DACH1: variants seen among roughly 807,000 people sequenced by gnomAD.
DACH1 encodes the protein dachshund homolog 1.
In DACH1, 12 loss-of-function variants were observed where a neutral mutation model predicts 54.2. That is an observed-to-expected ratio of 0.22 (90% CI 0.14 to 0.36). The LOEUF is 0.36. Ranked by LOEUF, DACH1 falls within the 10% of genes least tolerant of loss-of-function variation. DACH1 has a pLI of 1.00. For synonymous variants in DACH1, 386 were observed against 366.2 expected, an observed-to-expected ratio of 1.05 and a Z score of -0.62; for missense variants, 805 against 929.8, an observed-to-expected ratio of 0.87 and a Z score of 1.75.
At chr13:71,665,772 G>T (rs1879791428) in intron 2 of DACH1, among the ~76,000 whole-genome samples, 1 of 151,990 alleles carries the variant, frequency 6.6e-6, no homozygotes, top group South Asian at 2.1e-4. Flanking sequence ...GTTACCTAAA[G>T]AGATTAATGG....
chr13:71,462,470 A>AT (rs1464064659), intron 10 of DACH1, among the ~76,000 whole-genome samples: 3 of 151,770 alleles, frequency 2.0e-5, no homozygotes, highest in Admixed American at 1.3e-4. Flanking sequence ...TATTTATTTC[A>AT]TTTTCCAGCT....
At chr13:71,594,805 A>G (rs1028601070) in intron 3 of DACH1, among the ~76,000 whole-genome samples, 1 of 152,130 alleles carries the variant, frequency 6.6e-6, no homozygotes, top group African/African-American at 2.4e-5. Context: ...GCCTCAAAAC[A>G]TATGTCTCTT....
intron 6 of DACH1, among the ~76,000 whole-genome samples, chr13:71,511,025 C>T (rs1880734747): frequency 1.3e-5 from 2 of 152,016 alleles, no homozygotes; most frequent in South Asian, 2.1e-4. Context: ...AAATTCATTA[C>T]TATGTTTTTG....
chr13:71,675,425 T>G lies in DACH1; in HGVS notation c.964+6370A>C. 4.1e-6 allele frequency: 6 copies of G among 1,452,340 alleles called. No homozygotes were observed. The South Asian group carries it at 5.8e-5, about 14-fold the overall frequency. 90.0% of individuals were successfully genotyped at this position (1,452,340 alleles called of 1,614,324 possible). On this transcript the variant is annotated intron_variant, in intron 2 of 10. Coordinates refer to ENST00000613252, the MANE Select transcript of DACH1 (RefSeq NM_080759.6). ...ATCCATGCCAAACGTGTAACAATTA[T>G]GCCAAAAGACATCCAGCTAGCACGC...
intron 1 of DACH1, among the ~76,000 whole-genome samples, chr13:71,805,900 C>G (rs186313111): frequency 8.5e-4 from 129 of 152,136 alleles, no homozygotes; most frequent in African/African-American, 3.0e-3. Flanking sequence ...TTCTACCTCC[C>G]GGGTTCAAAC....
intron 7 of DACH1, 61 bp downstream of exon 7, chr13:71,488,936 A>G (rs909161669): frequency 6.5e-7 from 1 of 1,539,418 alleles, no homozygotes; most frequent in Non-Finnish European, 8.8e-7. Flanking sequence ...AAATTTTGGA[A>G]AAAAAAAATC....
rs1314847938 is a variant in DACH1, at chr13:71,866,498, T to C, written c.272A>G (p.Asn91Ser). Residue 91 changes from asparagine to serine, a missense_variant, in exon 1 of 11, where the codon AAC (asparagine) becomes AGC (serine). By Grantham distance (46) the Asn-to-Ser change is conservative. Transcript: ENST00000613252. ...GSGGGGGSSG[N>S]GGGGGGGGGG... is the part of the protein sequence containing the mutation. The stretch of plus-strand genomic sequence containing the variant: ...GCCGCCGCCGCCACCGCCGCCTCCG[T>C]TGCCGCTGCTGCCGCCGCCGCCTCC... 37 of 1,221,100 alleles carry C rather than the reference T, an allele frequency of 3.0e-5. No homozygotes were observed. The highest frequency in any genetic ancestry group is 3.7e-5 in the Non-Finnish European group (36 of 981,300). The allele number at this position is 1,221,100 out of a possible 1,614,324, so 75.6% of individuals were successfully genotyped here.
chr13:71,494,069 T>C (rs1480796824), intron 6 of DACH1, among the ~76,000 whole-genome samples: 1 of 152,140 alleles, frequency 6.6e-6, no homozygotes, highest in Non-Finnish European at 1.5e-5. Flanking sequence ...AAAAAGTGCA[T>C]CTTCCTAGGA....
chr13:71,443,050 T>C (rs1338797382), intron 10 of DACH1, among the ~76,000 whole-genome samples: 1 of 148,354 alleles, frequency 6.7e-6, no homozygotes, highest in Non-Finnish European at 1.5e-5. Context: ...TTGAATTATA[T>C]ATATAATTAT....
chr13:71,563,648 A>T (rs1324327267), intron 4 of DACH1, among the ~76,000 whole-genome samples: 4 of 151,858 alleles, frequency 2.6e-5, no homozygotes, highest in African/African-American at 9.7e-5. Flanking sequence ...TTAAAAAGGC[A>T]TATTATACTA....
intron 3 of DACH1, among the ~76,000 whole-genome samples, chr13:71,622,531 T>C (rs1220042707): frequency 1.3e-5 from 2 of 151,934 alleles, no homozygotes; most frequent in Non-Finnish European, 2.9e-5. Flanking sequence ...CTTAAACAAA[T>C]TGAATATGAC....
intron 1 of DACH1, among the ~76,000 whole-genome samples, chr13:71,847,089 A>AATAATAATAAAGG (rs1873329503): frequency 6.6e-6 from 1 of 152,140 alleles, no homozygotes; most frequent in Admixed American, 6.5e-5. Context: ...CCTCGGCCCT[A>AATAATAATAAAGG]TAAAATCATA....
At chr13:71,571,454 G>T (rs1033279156) in intron 4 of DACH1, among the ~76,000 whole-genome samples, 5 of 151,996 alleles carry the variant, frequency 3.3e-5, no homozygotes, top group Non-Finnish European at 7.4e-5. Flanking sequence ...TGAATAATCT[G>T]GTAACAATAT....
At chr13:71,680,231 T>C (rs926560247) in intron 2 of DACH1, among the ~76,000 whole-genome samples, 5 of 152,224 alleles carry the variant, frequency 3.3e-5, no homozygotes, top group Non-Finnish European at 7.3e-5. Flanking sequence ...ATTGATTTCA[T>C]TTTTCTATAT....
At chr13:71,792,455 G>T (rs1886872405) in intron 1 of DACH1, among the ~76,000 whole-genome samples, 1 of 152,002 alleles carries the variant, frequency 6.6e-6, no homozygotes, top group South Asian at 2.1e-4. Context: ...GTGGCTAACG[G>T]TTCCTATTTT....
rs992608837 is a variant in DACH1, at chr13:71,866,364, C to T, written c.406G>A (p.Ala136Thr). Residue 136 changes from alanine (A) to threonine (T), a missense_variant, in exon 1 of 11, where the codon GCC becomes ACC. Ala to Thr is a moderately conservative substitution (Grantham distance 58). This residue lies in a region of DACH1 where 305 missense variants were observed against 308.7 expected (regional missense o/e 0.99). Transcript: ENST00000613252. ...CTGCTGCTGCTGCTGCCGGTGCTGG[C>T]GTTGATGGGGGTGCTGGAAGCGACG... ...GGVASSTPINASTGSSSSSSS... is the reference protein window; with the variant it reads ...GGVASSTPINTSTGSSSSSSS... 9.9e-6 allele frequency: 15 copies of T among 1,516,370 alleles called. No homozygotes were observed. The highest frequency in any genetic ancestry group is 1.4e-5 in the African/African-American group (1 of 72,022). The allele number at this position is 1,516,370 out of a possible 1,614,324, so 93.9% of individuals were successfully genotyped here.
chr13:71,555,765 G>C (rs560302145), intron 6 of DACH1, among the ~76,000 whole-genome samples: 7 of 152,208 alleles, frequency 4.6e-5, no homozygotes, highest in Non-Finnish European at 7.4e-5. Context: ...TGAAGAGGTT[G>C]TGAAAAAAAT....
intron 1 of DACH1, among the ~76,000 whole-genome samples, chr13:71,710,452 TTGTGTGTGTGTGTGTGTGTG>T (rs71681955): frequency 2.8e-5 from 4 of 140,560 alleles, no homozygotes; most frequent in African/African-American, 7.9e-5. Context: ...TATGAGGGTT[TTGTGTGTGTGTGTGTGTGTG>T]TGTGTGTGTG....
At chr13:71,864,257 A>C (rs1051852398) in intron 1 of DACH1, among the ~76,000 whole-genome samples, 2 of 151,288 alleles carry the variant, frequency 1.3e-5, no homozygotes, top group African/African-American at 4.9e-5. Flanking sequence ...GCCCAAACAC[A>C]CCCAAGTCCC....
Sources: allele counts gnomAD v4.1 joint callset (sites outside exome capture counted in the v4.1 genomes callset), GRCh38; gene constraint gnomAD v4.1.1; regional missense constraint gnomAD v4.1.1; transcripts MANE v1.5; gene names NCBI Gene and HGNC (gene_info 2026-07-23, HGNC 2026-07-21).